DRAM2: variants seen among roughly 807,000 people sequenced by gnomAD.
DRAM2 encodes DNA damage regulated autophagy modulator 2, also known as DNA damage-regulated autophagy modulator protein 2.
Under a neutral mutation model 33.5 loss-of-function variants are expected in DRAM2, and 26 were observed. The ratio of observed to expected loss-of-function variants is 0.78; its 90% CI spans 0.57 to 1.08. DRAM2 has a LOEUF of 1.08. Ranked by LOEUF, DRAM2 falls within the 50% of genes least tolerant of loss-of-function variation. The pLI is 0.00. For missense variants in DRAM2, 311 were observed against 318.1 expected (o/e 0.98, Z 0.17); for synonymous variants, 98 against 109.5 (o/e 0.89, Z 0.66).
chr1:111,120,472 T>C, intron 7 of DRAM2, 44 bp downstream of exon 7: 1 of 1,338,224 alleles, frequency 7.5e-7, no homozygotes, highest in African/African-American at 1.5e-5. Context: ...ATCTTGTCAT[T>C]CAATTCCTTT....
At chr1:111,136,332 G>A (rs1276623956) in intron 3 of DRAM2, among the ~76,000 whole-genome samples, 2 of 152,170 alleles carry the variant, frequency 1.3e-5, no homozygotes, top group African/African-American at 2.4e-5. Context: ...TTGGGAGGCC[G>A]AGGCAGGCGG....
Position 111,119,842 on chromosome 1 carries a change from A to G in DRAM2, c.600+35T>C, listed in dbSNP as rs760796419. The G allele has an allele frequency of 4.0e-6, 6 of 1,507,616 alleles. No homozygotes were observed. The South Asian group carries it at 5.7e-5, about 14-fold the overall frequency. The allele number at this position is 1,507,616 out of a possible 1,614,324, so 93.4% of individuals were successfully genotyped here. A position where few individuals can be genotyped will look rare whatever the true frequency, so the allele number is the denominator to read the frequency against. The stretch of plus-strand genomic sequence containing the variant: ...AGATCAATCAAAATAACCATCTTTA[A>G]TATAAAACTAAGTTTATAGACTGTA... On this transcript the variant is annotated intron_variant, in intron 8 of 9. Transcript: ENST00000484310.
At chr1:111,133,039 T>C (rs934500324) in intron 3 of DRAM2, among the ~76,000 whole-genome samples, 1 of 152,104 alleles carries the variant, frequency 6.6e-6, no homozygotes, top group African/African-American at 2.4e-5. Context: ...TAGACTCCAC[T>C]CTAAAACCAA....
chr1:111,124,345 A>G (rs1650589544), intron 6 of DRAM2, among the ~76,000 whole-genome samples: 1 of 152,178 alleles, frequency 6.6e-6, no homozygotes. Flanking sequence ...AAACATCCAA[A>G]CAAGTAGATA....
chr1:111,125,085 C>T (rs772261247), intron 5 of DRAM2, among the ~76,000 whole-genome samples: 3 of 151,952 alleles, frequency 2.0e-5, no homozygotes, highest in Non-Finnish European at 4.4e-5. Context: ...CTATGTTGCA[C>T]AGGCTGGACT....
In DRAM2 at chr1:111,120,504, A is replaced by G. The variant is rs1428093482; in HGVS notation, c.517+12T>C. The G allele has an allele frequency of 6.4e-7, 1 of 1,571,286 alleles. No individual in the cohort carries two copies. Among genetic ancestry groups the G allele is most frequent in the African/African-American group, 1.4e-5 (1 of 72,922 alleles). On this transcript the variant is annotated intron_variant, in intron 7 of 9. Transcript: ENST00000484310. ...CTTTCCAAGTGTAGCCACATTGTAC[A>G]GTGAAGGATACTGCTAAGTGCACTT... is the stretch of plus-strand genomic sequence containing the variant.
At chr1:111,133,631 T>A (rs547760341) in intron 3 of DRAM2, among the ~76,000 whole-genome samples, 5 of 152,336 alleles carry the variant, frequency 3.3e-5, no homozygotes, top group African/African-American at 1.2e-4. Context: ...CATGAAATAA[T>A]GTACTTTCCT....
intron 4 of DRAM2, among the ~76,000 whole-genome samples, chr1:111,127,199 T>C (rs1403871707): frequency 1.3e-5 from 2 of 152,176 alleles, no homozygotes; most frequent in Non-Finnish European, 2.9e-5. Context: ...CCATTAAATA[T>C]TAGTTCTTTC....
chr1:111,120,058 G>T (rs1571014463), intron 7 of DRAM2, 99 bp from the exon 8 acceptor site: 1 of 1,018,558 alleles, frequency 9.8e-7, no homozygotes, highest in Non-Finnish European at 1.5e-6. Flanking sequence ...TATTGCTAAG[G>T]TCTAAACCCA....
Position 111,117,989 on chromosome 1 carries a change from G to A in DRAM2, c.*171C>T, listed in dbSNP as rs1029503951. 3.2e-6 allele frequency: 2 copies of A among 633,742 alleles called. No individual in the cohort carries two copies. Among genetic ancestry groups the A allele is most frequent in the Non-Finnish European group, 5.5e-6 (2 of 360,866 alleles). The allele number at this position is 633,742 out of a possible 1,614,324, so 39.3% of individuals were successfully genotyped here. On this transcript the variant is annotated 3_prime_UTR_variant, in exon 10 of 10. Transcript: ENST00000484310. ...ATAGTCTTCTTGATGATATCCTTTA[G>A]AATAATCTATCAAATGGCTTCTTTC...
chr1:111,130,464 G>A (rs1217373895), intron 4 of DRAM2, among the ~76,000 whole-genome samples: 1 of 152,166 alleles, frequency 6.6e-6, no homozygotes, highest in Non-Finnish European at 1.5e-5. Context: ...CCAGCACTTT[G>A]GGAGGCCAAG....
At chr1:111,138,842 G>T (rs1653871133) in intron 2 of DRAM2, among the ~76,000 whole-genome samples, 1 of 152,036 alleles carries the variant, frequency 6.6e-6, no homozygotes, top group African/African-American at 2.4e-5. Context: ...TGCTCTCTTT[G>T]AAGTTCTATG....
intron 4 of DRAM2, among the ~76,000 whole-genome samples, chr1:111,130,002 T>G (rs1428206386): frequency 6.6e-6 from 1 of 152,196 alleles, no homozygotes; most frequent in Non-Finnish European, 1.5e-5. Context: ...TTGTTTAAAA[T>G]TTGTTGTAAT....
intron 4 of DRAM2, among the ~76,000 whole-genome samples, chr1:111,126,820 C>T (rs1024470759): frequency 6.6e-6 from 1 of 152,176 alleles, no homozygotes; most frequent in Non-Finnish European, 1.5e-5. Flanking sequence ...CCTGCCCTCG[C>T]GGAGCTTACA....
intron 8 of DRAM2, 89 bp downstream of exon 8, chr1:111,119,788 T>G: frequency 9.2e-7 from 1 of 1,090,634 alleles, no homozygotes; most frequent in Non-Finnish European, 1.4e-6. Flanking sequence ...AAGACTTTCA[T>G]TGTTACTGAT....
rs1429790138 is a variant in DRAM2 at position 111,131,473 on chromosome 1, T to C, written c.82A>G (p.Ile28Val). The change falls in exon 4 of 10, where the codon ATT becomes GTT. Residue 28 changes from isoleucine to valine, a missense_variant. Ile to Val is a conservative substitution (Grantham distance 29). Transcript: ENST00000484310. ...WTSAAFIFSY[I>V]TAVTLHHIDP... ...ATATGGTGGAGTGTTACTGCAGTAA[T>C]GTATGAAAATATGAAAGCAGCAGAT... 9.3e-6 allele frequency: 15 copies of C among 1,614,138 alleles called. No homozygotes were observed. The highest frequency in any genetic ancestry group is 9.3e-6 in the Non-Finnish European group (11 of 1,179,982).
chr1:111,128,696 G>C (rs1651499521), intron 4 of DRAM2, among the ~76,000 whole-genome samples: 1 of 152,166 alleles, frequency 6.6e-6, no homozygotes, highest in African/African-American at 2.4e-5. Context: ...ATTCAACGAA[G>C]TACTTGGCAC....
chr1:111,135,689 T>C (rs1478044212), intron 3 of DRAM2, among the ~76,000 whole-genome samples: 1 of 152,216 alleles, frequency 6.6e-6, no homozygotes, highest in African/African-American at 2.4e-5. Context: ...CCTAAGCCCT[T>C]TGTATGTAGA....
intron 3 of DRAM2, among the ~76,000 whole-genome samples, chr1:111,133,539 T>C (rs1358327976): frequency 6.6e-6 from 1 of 152,242 alleles, no homozygotes; most frequent in Admixed American, 6.5e-5. Flanking sequence ...TTCTTTGCTC[T>C]AGCTATCATT....
Sources: allele counts gnomAD v4.1 joint callset (sites outside exome capture counted in the v4.1 genomes callset), GRCh38; gene constraint gnomAD v4.1.1; transcripts MANE v1.5; gene names NCBI Gene and HGNC (gene_info 2026-07-23, HGNC 2026-07-21).